PTPRS: variants seen among roughly 807,000 people sequenced by gnomAD.
PTPRS encodes receptor-type tyrosine-protein phosphatase S.
Under a neutral mutation model 215.3 loss-of-function variants are expected in PTPRS, and 63 were observed. The observed-to-expected ratio is 0.29, with a 90% confidence interval of 0.24 to 0.36. The LOEUF (loss-of-function observed/expected upper bound fraction) is 0.36, where lower values mean the gene tolerates loss of function less well. Among genes scored for constraint, PTPRS ranks in the 10% least tolerant of loss-of-function variants. The probability of loss-of-function intolerance (pLI) is 1.00; values close to 1 mark genes in which losing one functional copy is unlikely to be tolerated. For missense variants in PTPRS, 2,258 were observed against 2,825.8 expected, an observed-to-expected ratio of 0.80 and a Z score of 4.56; for synonymous variants, 1,404 against 1,191.4, an observed-to-expected ratio of 1.18 and a Z score of -3.68.
chr19:5,210,060 ATCCATACTCATC>A lies in PTPRS; in HGVS notation c.5487+397_5487+408del, dbSNP rs1210508605. Among the ~76,000 whole-genome samples the A allele has an allele frequency of 1.3e-5, 2 of 151,908 alleles. No homozygotes were observed. Among genetic ancestry groups the A allele is most frequent in the Non-Finnish European group, 2.9e-5 (2 of 67,956 alleles). On this transcript the variant is annotated intron_variant, in intron 35 of 37. Coordinates refer to ENST00000262963, the MANE Select transcript of PTPRS (RefSeq NM_002850.4). The surrounding 1 kb of genome is among the most constrained non-coding windows in gnomAD (Gnocchi z 4.5). ...TGCAGTCCTTCATTGAGCCAACACC[ATCCATACTCATC>A]TCTCCTCACCCAACGGTGCCAGTCC...
chr19:5,318,636 TTGG>T (rs576544126), intron 1 of PTPRS, among the ~76,000 whole-genome samples: 2 of 152,198 alleles, frequency 1.3e-5, no homozygotes, highest in Non-Finnish European at 2.9e-5. Context: ...AGATATTATC[TTGG>T]TGGTGGTTGT....
chr19:5,256,550 GC>G (rs1261828871), intron 8 of PTPRS, among the ~76,000 whole-genome samples: 2 of 151,946 alleles, frequency 1.3e-5, no homozygotes, highest in African/African-American at 4.8e-5. Flanking sequence ...CCGGCTCCCT[GC>G]CCCACACCCG....
chr19:5,251,543 C>T (rs2045079413), intron 9 of PTPRS, among the ~76,000 whole-genome samples: 1 of 151,710 alleles, frequency 6.6e-6, no homozygotes, highest in African/African-American at 2.4e-5. Context: ...TCGCTGTGGC[C>T]GCCGGAGACA....
intron 5 of PTPRS, 126 bp downstream of exon 5, chr19:5,264,882 G>A (rs2046289765): frequency 4.4e-6 from 5 of 1,133,450 alleles, no homozygotes; most frequent in Admixed American, 2.6e-5. Context: ...CAGAGCCAAC[G>A]CCTGCCACGG....
rs374868435 is a variant in PTPRS at position 5,212,483 on chromosome 19, G to A, written c.4623C>T (p.Ser1541=). The part of the protein sequence containing the change: ...VRTFSLHKNG[S]SEKREVRQFQ... ...ACTGGCGGACCTCGCGTTTCTCACT[G>A]GAGCCATTCTGGGGACCACAAGGAT... The change falls in exon 31 of 38, where the codon TCC becomes TCT. Residue 1541 remains serine (S), a synonymous_variant. Transcript: ENST00000262963. The A allele has an allele frequency of 5.1e-5, 81 of 1,589,884 alleles. No homozygotes were observed. Among genetic ancestry groups the A allele is most frequent in the Non-Finnish European group, 7.7e-6 (9 of 1,167,902 alleles).
chr19:5,310,196 C>CTG (rs1330944211), intron 1 of PTPRS, among the ~76,000 whole-genome samples: 2 of 152,226 alleles, frequency 1.3e-5, no homozygotes, highest in Admixed American at 6.5e-5. Flanking sequence ...TGTCAGCAAA[C>CTG]ATCATTCTCT....
intron 1 of PTPRS, among the ~76,000 whole-genome samples, chr19:5,337,341 T>C (rs781574052): frequency 1.3e-5 from 2 of 152,190 alleles, no homozygotes; most frequent in Non-Finnish European, 2.9e-5. Flanking sequence ...AGAAAGCAGG[T>C]GAACGCGGGG....
At chr19:5,240,693 G>A (rs963216501) in intron 11 of PTPRS, among the ~76,000 whole-genome samples, 1 of 151,302 alleles carries the variant, frequency 6.6e-6, no homozygotes, top group Non-Finnish European at 1.5e-5. Flanking sequence ...CAAAAAATTA[G>A]CCGGGCGCGG....
At chr19:5,309,163 T>G (rs1368358173) in intron 1 of PTPRS, among the ~76,000 whole-genome samples, 1 of 151,000 alleles carries the variant, frequency 6.6e-6, no homozygotes, top group East Asian at 2.0e-4. Context: ...GAAGGGGGGG[T>G]TGGCTGGCTC....
At chr19:5,307,986 G>A (rs1350963154) in intron 1 of PTPRS, among the ~76,000 whole-genome samples, 1 of 152,156 alleles carries the variant, frequency 6.6e-6, no homozygotes, top group Non-Finnish European at 1.5e-5. Flanking sequence ...AGATTTACAA[G>A]GTGGTCCTTT....
chr19:5,310,273 CA>C (rs904815080), intron 1 of PTPRS, among the ~76,000 whole-genome samples: 49 of 151,942 alleles, frequency 3.2e-4, no homozygotes, highest in African/African-American at 1.1e-3. Flanking sequence ...GTAGCTAAAA[CA>C]GCCCCTCCCT....
intron 12 of PTPRS, among the ~76,000 whole-genome samples, chr19:5,239,741 G>A (rs548868361): frequency 6.6e-6 from 1 of 152,038 alleles, no homozygotes; most frequent in East Asian, 1.9e-4. Flanking sequence ...TACAGAGACA[G>A]AGACAGAGAG....
Position 5,206,837 on chromosome 19 carries a change from C to G in PTPRS, c.5784G>C (p.Glu1928Asp). ...QRPAMVQTED[E>D]YQFCYQAALE... is the part of the protein sequence containing the mutation. Reference sequence around the variant, plus strand: ...GTGCCGCCTGGTAACAGAACTGGTACTCATCCTGGGGGAGCAGAGGTGACC... The same window carrying G: ...GTGCCGCCTGGTAACAGAACTGGTAGTCATCCTGGGGGAGCAGAGGTGACC... The change falls in exon 38 of 38, where the codon GAG (glutamate) becomes GAC (aspartate). Residue 1928 changes from glutamate (E) to aspartate (D), a missense_variant. Coordinates refer to ENST00000262963, the MANE Select transcript of PTPRS (RefSeq NM_002850.4). 1 of 1,614,106 alleles carries G rather than the reference C, an allele frequency of 6.2e-7. No individual in the cohort carries two copies. Among genetic ancestry groups the G allele is most frequent in the Non-Finnish European group, 8.5e-7 (1 of 1,179,956 alleles).
intron 9 of PTPRS, among the ~76,000 whole-genome samples, chr19:5,247,219 TTAA>T (rs55811284): frequency 6.7e-6 from 1 of 148,518 alleles, no homozygotes; most frequent in African/African-American, 2.5e-5. Context: ...ATAATAATAA[TTAA>T]TAATAATAAA....
At chr19:5,300,442 C>G (rs761169705) in intron 1 of PTPRS, among the ~76,000 whole-genome samples, 5 of 151,756 alleles carry the variant, frequency 3.3e-5, no homozygotes, top group Non-Finnish European at 7.4e-5. Flanking sequence ...CTGCCAGGGT[C>G]GAGTACACAG....
At chr19:5,271,649 T>C (rs928810519) in intron 4 of PTPRS, among the ~76,000 whole-genome samples, 6 of 151,660 alleles carry the variant, frequency 4.0e-5, no homozygotes, top group African/African-American at 1.5e-4. Flanking sequence ...CTGCCCGCCT[T>C]GGCCTCCCAA....
chr19:5,245,072 C>T lies in PTPRS; in HGVS notation c.989-590G>A, dbSNP rs534937310. Among the ~76,000 whole-genome samples, 17 of 151,234 alleles carry T rather than the reference C, an allele frequency of 1.1e-4. No homozygotes were observed. The East Asian group carries it at 2.1e-3, about 19-fold the overall frequency. ...TTGGCTCACTGCAACCTCCACCTCC[C>T]GGGTTCAAGTGATTCTCCTGCCTCA... On this transcript the variant is annotated intron_variant, in intron 10 of 37. Transcript: ENST00000262963.
At chr19:5,268,192 AATT>A (rs779237156) in intron 4 of PTPRS, among the ~76,000 whole-genome samples, 6,001 of 70,542 alleles carry the variant, frequency 0.085, 145 homozygotes, top group Middle Eastern at 0.19. Flanking sequence ...TAAATAAATT[AATT>A]AATTAATTAA....
chr19:5,281,637 G>A (rs975373352), intron 2 of PTPRS, among the ~76,000 whole-genome samples: 1 of 152,176 alleles, frequency 6.6e-6, no homozygotes, highest in African/African-American at 2.4e-5. Context: ...CCCTCCTTCT[G>A]GCCTCAGGAA....
Sources: allele counts gnomAD v4.1 joint callset (sites outside exome capture counted in the v4.1 genomes callset), GRCh38; gene constraint gnomAD v4.1.1; non-coding constraint Gnocchi (gnomAD v3.1); transcripts MANE v1.5; gene names NCBI Gene and HGNC (gene_info 2026-07-23, HGNC 2026-07-21).